The following GUCY1A2 variants were observed in gnomAD, a reference collection of about 807,000 sequenced individuals.
GUCY1A2 encodes guanylate cyclase 1 soluble subunit alpha 2, also known as guanylate cyclase soluble subunit alpha-2.
GUCY1A2 carries 27 observed loss-of-function variants against 63.5 expected under a neutral mutation model. That is an observed-to-expected ratio of 0.43 (90% confidence interval 0.31 to 0.59). The LOEUF is 0.59. Ranked by LOEUF, GUCY1A2 falls within the 20% of genes least tolerant of loss-of-function variation. The pLI is 0.11. For synonymous variants in GUCY1A2, 364 were observed against 343.5 expected (o/e 1.06, Z -0.66); for missense variants, 768 against 913.3 (o/e 0.84, Z 2.05).
chr11:106,948,033 C>T (rs559980260), intron 3 of GUCY1A2, among the ~76,000 whole-genome samples: 2 of 152,124 alleles, frequency 1.3e-5, no homozygotes, highest in South Asian at 2.1e-4. Context: ...AAACATGCAA[C>T]TTGCTGTGAA....
At chr11:107,011,342 A>C (rs1427079235) in intron 1 of GUCY1A2, among the ~76,000 whole-genome samples, 1 of 151,748 alleles carries the variant, frequency 6.6e-6, no homozygotes, top group East Asian at 1.9e-4. Context: ...TTTTACTTAG[A>C]GCTCTGTATA....
chr11:106,936,974 A>AT (rs1176847429), intron 4 of GUCY1A2, among the ~76,000 whole-genome samples: 2 of 152,212 alleles, frequency 1.3e-5, no homozygotes, highest in East Asian at 1.9e-4. Context: ...TTTACATATT[A>AT]TTTTTCTTTC....
intron 5 of GUCY1A2, among the ~76,000 whole-genome samples, chr11:106,786,016 G>A (rs1254881781): frequency 6.6e-6 from 1 of 151,558 alleles, no homozygotes; most frequent in Non-Finnish European, 1.5e-5. Flanking sequence ...TTCCTTGTTT[G>A]TTGAAAGTGC....
At chr11:106,905,830 T>G (rs1296795195) in intron 4 of GUCY1A2, among the ~76,000 whole-genome samples, 2 of 152,184 alleles carry the variant, frequency 1.3e-5, no homozygotes, top group African/African-American at 2.4e-5. Context: ...GTTTTGCATG[T>G]ATGTACAGAT....
At chr11:106,972,761 T>A (rs1361916362) in intron 3 of GUCY1A2, among the ~76,000 whole-genome samples, 3 of 152,090 alleles carry the variant, frequency 2.0e-5, no homozygotes, top group Non-Finnish European at 4.4e-5. Flanking sequence ...AATCAAGGTA[T>A]CCTTCAATCA....
intron 4 of GUCY1A2, among the ~76,000 whole-genome samples, chr11:106,893,409 GAAAT>G (rs1591316796): frequency 6.6e-6 from 1 of 151,978 alleles, no homozygotes; most frequent in African/African-American, 2.4e-5. Context: ...AAGGATTGGG[GAAAT>G]AAATAATCCA....
At chr11:106,787,393 C>T (rs57009699) in intron 5 of GUCY1A2, among the ~76,000 whole-genome samples, 6,436 of 122,244 alleles carry the variant, frequency 0.053, 140 homozygotes, top group East Asian at 0.1. Context: ...CAAGTGAGAA[C>T]GTGGGAAATT....
chr11:106,988,137 T>C (rs1861425357), intron 1 of GUCY1A2, among the ~76,000 whole-genome samples: 1 of 152,136 alleles, frequency 6.6e-6, no homozygotes, highest in African/African-American at 2.4e-5. Context: ...GAAGAGGCAA[T>C]GGAATGGTTA....
chr11:106,850,689 C>G (rs1483770705), intron 4 of GUCY1A2, among the ~76,000 whole-genome samples: 1 of 151,714 alleles, frequency 6.6e-6, no homozygotes, highest in East Asian at 1.9e-4. Flanking sequence ...CGGATGCATT[C>G]TTTTTTTATT....
intron 7 of GUCY1A2, among the ~76,000 whole-genome samples, chr11:106,690,966 C>T (rs1224168023): frequency 1.3e-5 from 2 of 152,272 alleles, no homozygotes; most frequent in East Asian, 3.9e-4. Context: ...TTCATTTTCA[C>T]AAATGTCAAT....
At chr11:106,817,212 G>C (rs1414808974) in intron 4 of GUCY1A2, among the ~76,000 whole-genome samples, 1 of 151,922 alleles carries the variant, frequency 6.6e-6, no homozygotes, top group African/African-American at 2.4e-5. Flanking sequence ...GTTATATCTG[G>C]CCCAAATTAA....
intron 4 of GUCY1A2, among the ~76,000 whole-genome samples, chr11:106,861,602 G>A (rs879883511): frequency 1.8e-4 from 28 of 151,906 alleles, no homozygotes; most frequent in Non-Finnish European, 2.8e-4. Context: ...ATGTTCTTAG[G>A]ATAATAAATA....
At chr11:107,006,360 G>A (rs1292460335) in intron 1 of GUCY1A2, among the ~76,000 whole-genome samples, 1 of 152,196 alleles carries the variant, frequency 6.6e-6, no homozygotes, top group African/African-American at 2.4e-5. Flanking sequence ...GAGATGGGAA[G>A]TGGAGACAAA....
chr11:106,890,338 A>G (rs573760346), intron 4 of GUCY1A2, among the ~76,000 whole-genome samples: 1 of 152,288 alleles, frequency 6.6e-6, no homozygotes, highest in Admixed American at 6.5e-5. Flanking sequence ...ATGCTTCACA[A>G]TCTCACTACC....
At chr11:106,852,456 T>C (rs1411443199) in intron 4 of GUCY1A2, among the ~76,000 whole-genome samples, 1 of 152,112 alleles carries the variant, frequency 6.6e-6, no homozygotes, top group Non-Finnish European at 1.5e-5. Flanking sequence ...GTTTGTCATA[T>C]ATGACCCTTA....
At chr11:106,988,908 C>T (rs1019048221) in intron 1 of GUCY1A2, among the ~76,000 whole-genome samples, 1 of 152,218 alleles carries the variant, frequency 6.6e-6, no homozygotes, top group Non-Finnish European at 1.5e-5. Flanking sequence ...TAATCTCAGC[C>T]TCTCTGACCT....
chr11:106,842,077 G>C (rs895878253), intron 4 of GUCY1A2, among the ~76,000 whole-genome samples: 1 of 151,896 alleles, frequency 6.6e-6, no homozygotes, highest in South Asian at 2.1e-4. Context: ...GGAGAGGAGA[G>C]AAAGTCTGGT....
chr11:106,714,298 C>CA (rs1863179577), intron 6 of GUCY1A2, among the ~76,000 whole-genome samples: 1 of 152,020 alleles, frequency 6.6e-6, no homozygotes, highest in African/African-American at 2.4e-5. Context: ...ACATAAACAG[C>CA]ACTGACCCAC....
intron 6 of GUCY1A2, among the ~76,000 whole-genome samples, chr11:106,732,030 C>A (rs1863514501): frequency 6.6e-6 from 1 of 152,100 alleles, no homozygotes. Context: ...ACATTCTTCA[C>A]TGAATTACAA....
Sources: allele counts gnomAD v4.1 joint callset (sites outside exome capture counted in the v4.1 genomes callset), GRCh38; gene constraint gnomAD v4.1.1; transcripts MANE v1.5; gene names NCBI Gene and HGNC (gene_info 2026-07-23, HGNC 2026-07-21).